PALB2: variants seen among roughly 807,000 people sequenced by gnomAD.
PALB2 encodes the protein partner and localizer of BRCA2.
A neutral mutation model predicts 107.4 loss-of-function variants in PALB2; 82 were observed. That is an observed-to-expected ratio of 0.76 (90% confidence interval 0.64 to 0.92). The LOEUF (loss-of-function observed/expected upper bound fraction) is 0.92, where lower values mean the gene tolerates loss of function less well. Ranked by LOEUF, PALB2 falls within the 40% of genes least tolerant of loss-of-function variation. The pLI is 0.00. For synonymous variants in PALB2, 489 were observed against 496.8 expected, an observed-to-expected ratio of 0.98 and a Z score of 0.21; for missense variants, 1,374 against 1,379.9, an observed-to-expected ratio of 1.00 and a Z score of 0.07.
Position 23,611,100 on chromosome 16 carries a change from C to G in PALB2, c.3201+2904G>C, listed in dbSNP as rs912862459. ...TCAGTCTATCTATCTATCTATCTAT[C>G]TATCTATCTATCTATCTATCTATCA... On this transcript the variant is annotated intron_variant, in intron 11 of 12. Transcript: ENST00000261584. 8.5e-4 allele frequency among the ~76,000 whole-genome samples: 128 copies of G among 150,476 alleles called. 1 individual carries two copies. Among genetic ancestry groups the G allele is most frequent in the Non-Finnish European group, 1.6e-3 (111 of 67,884 alleles).
At chr16:23,619,201 A>T (rs1966732427) in intron 10 of PALB2, among the ~76,000 whole-genome samples, 1 of 152,170 alleles carries the variant, frequency 6.6e-6, no homozygotes, top group Non-Finnish European at 1.5e-5. Context: ...AAAAAACATC[A>T]ATCTATTTTC....
Position 23,635,852 on chromosome 16 carries a change from C to A in PALB2, c.694G>T (p.Gly232Cys), listed in dbSNP as rs1967028555. 1.9e-6 allele frequency: 3 copies of A among 1,614,072 alleles called. No homozygotes were observed. Among genetic ancestry groups the A allele is most frequent in the South Asian group, 2.2e-5 (2 of 91,076 alleles). The change falls in exon 4 of 13, where the codon GGT (glycine) becomes TGT (cysteine). Residue 232 changes from glycine (G) to cysteine (C), a missense_variant. Gly to Cys is a radical substitution (Grantham distance 159). Transcript: ENST00000261584. ...LIPPTAQPEK[G>C]VDTFLRRPNF... ...GGTCTTCTTAGGAATGTATCAACAC[C>A]TTTTTCTGGTTGGGCAGTTGGTGGA...
rs141446554 is a variant in PALB2 at position 23,639,357 on chromosome 16, A to C, written c.49-1228T>G. Among the ~76,000 whole-genome samples the C allele has an allele frequency of 9.5e-4, 145 of 152,010 alleles. 2 individuals are homozygous for C. In the East Asian group the frequency reaches 0.021, roughly 22 times the overall value. Reference sequence around the variant, plus strand: ...AGACCCGCCTGGCCAACATGGTGAAATCCTGCTTCTACTAAAGATACAAAA... The same window carrying C: ...AGACCCGCCTGGCCAACATGGTGAACTCCTGCTTCTACTAAAGATACAAAA... On this transcript the variant is annotated intron_variant, in intron 1 of 12. Transcript: ENST00000261584.
chr16:23,627,461 T>G (rs1009071786), intron 6 of PALB2, among the ~76,000 whole-genome samples: 1 of 136,968 alleles, frequency 7.3e-6, no homozygotes, highest in African/African-American at 2.8e-5. Context: ...CAGTCCGCAG[T>G]CCAGCCTGGG....
chr16:23,622,118 G>A (rs891635321), intron 9 of PALB2, among the ~76,000 whole-genome samples: 2 of 152,178 alleles, frequency 1.3e-5, no homozygotes, highest in Non-Finnish European at 2.9e-5. Context: ...TAATAACAAT[G>A]AAATGTAATT....
chr16:23,628,994 G>A (rs1169284373), intron 6 of PALB2, among the ~76,000 whole-genome samples: 2 of 152,140 alleles, frequency 1.3e-5, no homozygotes, highest in Admixed American at 6.6e-5. Context: ...TTGCCAATAG[G>A]TTGGCATAGA....
intron 9 of PALB2, 49 bp downstream of exon 9, chr16:23,622,920 A>G (rs2142333626): frequency 6.2e-7 from 1 of 1,608,234 alleles, no homozygotes; most frequent in Non-Finnish European, 8.5e-7. Flanking sequence ...AACCTGTGAT[A>G]AAATCATTCT....
At position 23,630,399 on chromosome 16, in the gene PALB2, A is replaced by G. The variant is rs786203049; in HGVS notation, c.1755T>C (p.Asp585=). The change falls in exon 5 of 13, where the codon GAT becomes GAC. Residue 585 remains aspartate (D), a synonymous_variant. Coordinates refer to ENST00000261584, the MANE Select transcript of PALB2 (RefSeq NM_024675.4). The part of the protein sequence containing the change: ...WSNSAYLSLD[D]DAFTAPFHRD... ...TATGAAATGGAGCCGTGAAAGCATC[A>G]TCATCCAAGGATAAATAAGCACTAT... The G allele has an allele frequency of 3.7e-6, 6 of 1,614,158 alleles. No individual in the cohort carries two copies. Among genetic ancestry groups the G allele is most frequent in the Non-Finnish European group, 5.1e-6 (6 of 1,180,014 alleles).
chr16:23,605,822 T>C (rs1197743528), intron 12 of PALB2: 2 of 152,226 alleles, frequency 1.3e-5, no homozygotes, highest in Non-Finnish European at 2.9e-5. Flanking sequence ...GAGAAGTGAT[T>C]GGTGGTTTTG....
At chr16:23,623,723 T>A (rs1440247637) in intron 8 of PALB2, among the ~76,000 whole-genome samples, 1 of 151,814 alleles carries the variant, frequency 6.6e-6, no homozygotes, top group African/African-American at 2.4e-5. Context: ...TTCACCATGT[T>A]GGCCAGGCTG....
chr16:23,630,749 G>A (rs963360865), intron 4 of PALB2, among the ~76,000 whole-genome samples: 13 of 152,086 alleles, frequency 8.5e-5, no homozygotes, highest in Non-Finnish European at 1.3e-4. Context: ...AAACTTGGGC[G>A]AAGGGTTCAA....
intron 4 of PALB2, 39 bp downstream of exon 4, chr16:23,634,823 A>G: frequency 4.5e-6 from 7 of 1,561,166 alleles, no homozygotes; most frequent in Non-Finnish European, 6.1e-6. Flanking sequence ...GTTAACTTTC[A>G]TCATCATCAT....
In PALB2 at chr16:23,636,261, C is replaced by T. The variant is rs1043578258; in HGVS notation, c.285G>A (p.Lys95=). 6.2e-7 allele frequency: 1 copy of T among 1,613,728 alleles called. No homozygotes were observed. Residue 95 remains lysine, a synonymous_variant, in exon 4 of 13, where the codon AAG becomes AAA. Coordinates refer to ENST00000261584, the MANE Select transcript of PALB2 (RefSeq NM_024675.4). The stretch of plus-strand genomic sequence containing the variant: ...GCCCAACATCAAGTGTGATAGATGT[C>T]TTTTCTCCAGTTTCTTCATCAAGAT... ...KTHLDEETGE[K]TSITLDVGPE...
At chr16:23,623,924 A>T in intron 8 of PALB2, 85 bp downstream of exon 8, 1 of 878,396 alleles carries the variant, frequency 1.1e-6, no homozygotes, top group Non-Finnish European at 1.9e-6. Context: ...TTCAAGACTC[A>T]AGCCTAGGTT....
intron 10 of PALB2, among the ~76,000 whole-genome samples, chr16:23,620,268 A>T (rs1251802226): frequency 6.6e-6 from 1 of 152,210 alleles, no homozygotes; most frequent in East Asian, 1.9e-4. Context: ...TTAGGTAAAC[A>T]TTATAGCTAG....
In PALB2 at chr16:23,630,471, T is replaced by C. The variant is rs754660432; in HGVS notation, c.1685-2A>G. On this transcript the variant is annotated splice_acceptor_variant, in intron 4 of 12. Coordinates refer to ENST00000261584, the MANE Select transcript of PALB2 (RefSeq NM_024675.4). LOFTEE classifies it high-confidence loss of function. ...CTTTTTGATGACGACTTTTCTTCCC[T>C]AAAGAAGAAAAATAAGTCACAAAAT... 3.7e-6 allele frequency: 6 copies of C among 1,602,684 alleles called. No individual in the cohort carries two copies. Among genetic ancestry groups the C allele is most frequent in the Non-Finnish European group, 5.1e-6 (6 of 1,171,984 alleles).
chr16:23,641,133 G>C lies in PALB2; in HGVS notation c.25C>G (p.Leu9Val), dbSNP rs1060502744. The C allele has an allele frequency of 6.2e-7, 1 of 1,613,470 alleles. No individual in the cohort carries two copies. The highest frequency in any genetic ancestry group is 8.5e-7 in the Non-Finnish European group (1 of 1,179,868). The change falls in exon 1 of 13, where the codon CTC becomes GTC. Residue 9 changes from leucine (L) to valine (V), a missense_variant. Transcript: ENST00000261584. MDEPPGKPLSCEEKEKLKE... is the reference protein window; with the variant it reads MDEPPGKPVSCEEKEKLKE... ...ACCTTTTCCTTCTCCTCACAGCTGA[G>C]GGGCTTCCCGGGAGGCTCGTCCATC...
chr16:23,607,439 C>A, intron 12 of PALB2: 2 of 240,382 alleles, frequency 8.3e-6, no homozygotes, highest in East Asian at 1.9e-4. Flanking sequence ...CAGATGCATG[C>A]CAGCATGTTT....
Position 23,629,223 on chromosome 16 carries a change from T to G in PALB2, c.2567A>C (p.Gln856Pro). ...ASDSINPGNL[Q>P]LVSELKNPSG... ...TCTGACCTTTAACTCTGAAACCAAT[T>G]GTAGGTTGCCTGGGTTTATGCTATC... Residue 856 changes from glutamine (Q) to proline (P), a missense_variant, in exon 6 of 13, where the codon CAA (glutamine) becomes CCA (proline). Physicochemically the swap from Gln to Pro is moderately conservative, Grantham distance 76 (BLOSUM62 -1). Transcript: ENST00000261584. The G allele has an allele frequency of 6.2e-7, 1 of 1,613,504 alleles. No homozygotes were observed. The highest frequency in any genetic ancestry group is 8.5e-7 in the Non-Finnish European group (1 of 1,179,732).
Sources: allele counts gnomAD v4.1 joint callset (sites outside exome capture counted in the v4.1 genomes callset), GRCh38; gene constraint gnomAD v4.1.1; transcripts MANE v1.5; gene names NCBI Gene and HGNC (gene_info 2026-07-23, HGNC 2026-07-21).